Variants in ADCY10 observed in about 807,000 individuals in gnomAD.
The protein encoded by ADCY10 is adenylate cyclase type 10.
ADCY10 carries 156 observed loss-of-function variants against 183.3 expected under a neutral mutation model. The observed-to-expected ratio is 0.85, with a 90% CI of 0.75 to 0.97. The LOEUF is 0.97. ADCY10 is among the 50% of genes least tolerant of loss of function. The pLI, the probability that ADCY10 is intolerant of heterozygous loss-of-function variation, is 0.00. For synonymous variants in ADCY10, 645 were observed against 670.0 expected, an observed-to-expected ratio of 0.96 and a Z score of 0.58; for missense variants, 1,745 against 1,934.3, an observed-to-expected ratio of 0.90 and a Z score of 1.84.
chr1:167,904,888 A>G, intron 2 of ADCY10, 105 bp downstream of exon 2: 2 of 1,481,504 alleles, frequency 1.3e-6, no homozygotes, highest in Non-Finnish European at 1.9e-6. Flanking sequence ...TGACAGCCCA[A>G]GGGCTCCAGA....
chr1:167,852,778 TA>T (rs202205672), intron 18 of ADCY10, among the ~76,000 whole-genome samples: 187 of 144,408 alleles, frequency 1.3e-3, no homozygotes, highest in Non-Finnish European at 1.3e-3. Flanking sequence ...TCTTGTTCCT[TA>T]AAAAAAAAAA....
chr1:167,824,658 A>T lies in ADCY10; in HGVS notation c.3948T>A (p.Ile1316=), dbSNP rs554693696. ...TGCCCAGCCAGCCCTTACCTAACTC[A>T]ATGGCCAAATCCAGGTGTCCCATTA... ...KLIMGHLDLA[I]ELGSRALQMW... The change falls in exon 27 of 33, where the codon ATT becomes ATA. Residue 1316 remains isoleucine (I), a synonymous_variant. Coordinates refer to ENST00000367851, the MANE Select transcript of ADCY10 (RefSeq NM_018417.6). 2 of 1,614,130 alleles carry T rather than the reference A, an allele frequency of 1.2e-6. No individual in the cohort carries two copies.
At chr1:167,827,111 C>G (rs926923444) in intron 26 of ADCY10, among the ~76,000 whole-genome samples, 1 of 152,118 alleles carries the variant, frequency 6.6e-6, no homozygotes, top group African/African-American at 2.4e-5. Flanking sequence ...TACTTGACCC[C>G]TTCCCTTAAT....
intron 14 of ADCY10, among the ~76,000 whole-genome samples, chr1:167,868,295 T>C (rs1025163427): frequency 6.6e-6 from 1 of 152,102 alleles, no homozygotes; most frequent in African/African-American, 2.4e-5. Flanking sequence ...ACAGACCCAG[T>C]TCCTGATGAA....
chr1:167,824,438 C>T (rs746894892), intron 28 of ADCY10, 38 bp downstream of exon 28: 12 of 1,559,334 alleles, frequency 7.7e-6, no homozygotes, highest in Non-Finnish European at 1.1e-5. Flanking sequence ...AATACGGCCT[C>T]CTCCCCCTAA....
At chr1:167,864,585 A>C (rs1258490871) in intron 14 of ADCY10, among the ~76,000 whole-genome samples, 1 of 152,026 alleles carries the variant, frequency 6.6e-6, no homozygotes, top group Non-Finnish European at 1.5e-5. Context: ...AGGAAAGTCA[A>C]AGAGAGAGAG....
intron 16 of ADCY10, 112 bp downstream of exon 16, chr1:167,859,695 A>T (rs919710968): frequency 2.4e-6 from 2 of 828,716 alleles, no homozygotes; most frequent in Non-Finnish European, 4.3e-6. Context: ...CAAAGCCTTC[A>T]CATCCTTCAA....
At chr1:167,819,352 G>A (rs934687156) in intron 30 of ADCY10, among the ~76,000 whole-genome samples, 7 of 149,502 alleles carry the variant, frequency 4.7e-5, no homozygotes, top group Non-Finnish European at 1.0e-4. Context: ...CCTGGTTGAA[G>A]CAATTCTCCT....
rs1158211189 is a variant in ADCY10 at position 167,893,853 on chromosome 1, C to T, written c.828G>A (p.Gln276=). 6.2e-7 allele frequency: 1 copy of T among 1,609,242 alleles called. No individual in the cohort carries two copies. Among genetic ancestry groups the T allele is most frequent in the Admixed American group, 1.7e-5 (1 of 59,952 alleles). ...CCAGTAAATTCAATTTTGAAAATACCTGCTTCAAAATGCTTTCCATCACAT... is the reference window on the plus strand; with the variant it reads ...CCAGTAAATTCAATTTTGAAAATACTTGCTTCAAAATGCTTTCCATCACAT... ...QKYVMESILK[Q]IDNKQLQGYL... is the part of the protein sequence containing the mutation. The change falls in exon 8 of 33, where the codon CAG becomes CAA. Residue 276 remains glutamine, a splice_region_variant and synonymous_variant. Transcript: ENST00000367851.
chr1:167,852,425 C>T, intron 18 of ADCY10, among the ~76,000 whole-genome samples: 1 of 151,524 alleles, frequency 6.6e-6, no homozygotes, highest in East Asian at 1.9e-4. Context: ...GCCTGGGCGA[C>T]AGAGTGAGAC....
At chr1:167,865,529 C>G (rs1463194447) in intron 14 of ADCY10, among the ~76,000 whole-genome samples, 6 of 152,030 alleles carry the variant, frequency 3.9e-5, no homozygotes, top group Non-Finnish European at 8.8e-5. Context: ...ACATTAATAA[C>G]ACACTAATAT....
intron 9 of ADCY10, among the ~76,000 whole-genome samples, chr1:167,882,707 G>A (rs1243974933): frequency 1.4e-5 from 1 of 73,632 alleles, no homozygotes; most frequent in Non-Finnish European, 2.8e-5. Flanking sequence ...TGTAGTGAGA[G>A]GTAGCCCAGC....
intron 14 of ADCY10, among the ~76,000 whole-genome samples, chr1:167,861,773 C>T (rs1371242127): frequency 1.3e-5 from 2 of 152,160 alleles, no homozygotes; most frequent in African/African-American, 2.4e-5. Flanking sequence ...TCACCCAAAT[C>T]TCATCCCGTA....
At chr1:167,901,639 T>TGC in intron 5 of ADCY10, 23 bp downstream of exon 5, 1 of 1,613,054 alleles carries the variant, frequency 6.2e-7, no homozygotes, top group African/African-American at 1.3e-5. Context: ...TGCCGTAGGA[T>TGC]TTATTCCTTC....
chr1:167,908,213 A>C (rs555847373), intron 1 of ADCY10, among the ~76,000 whole-genome samples: 13 of 152,262 alleles, frequency 8.5e-5, no homozygotes, highest in Non-Finnish European at 1.5e-4. Flanking sequence ...ATGGAGTACT[A>C]TTCAGCCGTA....
At chr1:167,810,343 A>C (rs1662124267) in intron 32 of ADCY10, among the ~76,000 whole-genome samples, 1 of 152,218 alleles carries the variant, frequency 6.6e-6, no homozygotes, top group South Asian at 2.1e-4. Flanking sequence ...GCATCTCCTG[A>C]AATTCATATG....
chr1:167,879,277 G>T (rs1000330794), intron 11 of ADCY10, among the ~76,000 whole-genome samples: 1 of 152,144 alleles, frequency 6.6e-6, no homozygotes, highest in African/African-American at 2.4e-5. Flanking sequence ...TGAGAGGGTG[G>T]TTTATGAAGA....
chr1:167,818,472 T>C, intron 30 of ADCY10: 4 of 673,442 alleles, frequency 5.9e-6, no homozygotes, highest in South Asian at 5.9e-5. Context: ...TTTTGATGAC[T>C]TGAGATGAAT....
At chr1:167,822,170 A>G (rs756733779) in intron 29 of ADCY10, 29 bp from the exon 30 acceptor site, 1 of 1,360,164 alleles carries the variant, frequency 7.4e-7, no homozygotes, top group Non-Finnish European at 1.1e-6. Flanking sequence ...GGTGAGAGTT[A>G]TTAGTAGGTG....
Sources: allele counts gnomAD v4.1 joint callset (sites outside exome capture counted in the v4.1 genomes callset), GRCh38; gene constraint gnomAD v4.1.1; transcripts MANE v1.5; gene names NCBI Gene and HGNC (gene_info 2026-07-23, HGNC 2026-07-21).